C16orf74: variants seen among roughly 807,000 people sequenced by gnomAD.
C16orf74 encodes the protein calcimembrin.
In C16orf74, 10 loss-of-function variants were observed where a neutral mutation model predicts 6.5. The ratio of observed to expected loss-of-function variants is 1.54; its 90% CI spans 0.95 to 2.61. The LOEUF (loss-of-function observed/expected upper bound fraction) is 2.61, where lower values mean the gene tolerates loss of function less well. Ranked by LOEUF, C16orf74 falls within the 30% of genes most tolerant of loss-of-function variation. C16orf74 has a pLI of 0.00. For synonymous variants in C16orf74, 60 were observed against 42.5 expected, an observed-to-expected ratio of 1.41 and a Z score of -1.60; for missense variants, 141 against 105.9, an observed-to-expected ratio of 1.33 and a Z score of -1.45.
At chr16:85,724,396 G>C (rs558076844) in intron 2 of C16orf74, among the ~76,000 whole-genome samples, 1 of 152,182 alleles carries the variant, frequency 6.6e-6, no homozygotes, top group Non-Finnish European at 1.5e-5. Flanking sequence ...CTGGACTCTG[G>C]ACTTGCTGGG....
chr16:85,710,182 T>G lies in C16orf74; in HGVS notation c.154A>C (p.Arg52=), dbSNP rs747903346. 2 of 1,469,336 alleles carry G rather than the reference T, an allele frequency of 1.4e-6. No homozygotes were observed. The highest frequency in any genetic ancestry group is 3.0e-5 in the African/African-American group (2 of 67,178). 91.0% of individuals were successfully genotyped at this position (1,469,336 alleles called of 1,614,324 possible). ...GCCTCACCTGTGCTCCCCAAGTCCC[T>G]CGGCAGCATCATGCCCGTGGGGGTG... ...PPTPTGMMLP[R]DLGSTVWLDE... The change falls in exon 3 of 4, where the codon AGG becomes CGG. Residue 52 remains arginine, a synonymous_variant. Transcript: ENST00000284245.
At chr16:85,720,695 G>C (rs1199971220) in intron 2 of C16orf74, among the ~76,000 whole-genome samples, 1 of 150,450 alleles carries the variant, frequency 6.6e-6, no homozygotes, top group East Asian at 1.9e-4. Context: ...AGGATTGCTT[G>C]AGCCCAGGAG....
chr16:85,744,155 G>A (rs2054342490), intron 1 of C16orf74: 1 of 149,798 alleles, frequency 6.7e-6, no homozygotes, highest in Non-Finnish European at 1.5e-5. Flanking sequence ...AACCTGGGAG[G>A]CGGAGGTAGC....
chr16:85,738,710 G>A (rs1418590078), intron 1 of C16orf74, among the ~76,000 whole-genome samples: 1 of 151,944 alleles, frequency 6.6e-6, no homozygotes, highest in Non-Finnish European at 1.5e-5. Flanking sequence ...AGGAGTGAGG[G>A]GTAGCGGAGG....
intron 2 of C16orf74, among the ~76,000 whole-genome samples, chr16:85,726,578 G>A (rs1162100208): frequency 3.3e-5 from 5 of 152,174 alleles, no homozygotes; most frequent in Non-Finnish European, 5.9e-5. Context: ...GGAAAGCTCA[G>A]GGAAGTGGGG....
chr16:85,726,665 T>C (rs16975876), intron 2 of C16orf74, among the ~76,000 whole-genome samples: 14,748 of 152,156 alleles, frequency 0.097, 2,402 homozygotes, highest in African/African-American at 0.34. Context: ...TTCAAATGTA[T>C]GAAATTTCCA....
At chr16:85,740,827 CAA>C (rs57813380) in intron 1 of C16orf74, among the ~76,000 whole-genome samples, 181 of 97,890 alleles carry the variant, frequency 1.8e-3, no homozygotes, top group African/African-American at 7.0e-3. Context: ...GTGAGACCCT[CAA>C]AAAAAAAAAA....
chr16:85,730,995 G>A (rs1012681382), intron 2 of C16orf74, among the ~76,000 whole-genome samples: 2 of 152,116 alleles, frequency 1.3e-5, no homozygotes, highest in Non-Finnish European at 2.9e-5. Context: ...AAAAGTAATC[G>A]TACCCGTTTC....
chr16:85,737,236 C>T (rs1416876646), intron 1 of C16orf74, among the ~76,000 whole-genome samples: 1 of 152,076 alleles, frequency 6.6e-6, no homozygotes, highest in African/African-American at 2.4e-5. Context: ...TATCCAGGGC[C>T]TTGCTGTTCC....
intron 1 of C16orf74, chr16:85,741,513 C>A: frequency 6.0e-6 from 1 of 165,672 alleles, no homozygotes; most frequent in Middle Eastern, 5.9e-4. Flanking sequence ...GGTGCAGCAT[C>A]GAGGGTGGTC....
At chr16:85,739,380 A>G (rs1306371208) in intron 1 of C16orf74, among the ~76,000 whole-genome samples, 1 of 152,190 alleles carries the variant, frequency 6.6e-6, no homozygotes, top group Non-Finnish European at 1.5e-5. Flanking sequence ...GGATTTTGAC[A>G]TGTCTCAACC....
chr16:85,710,148 G>T lies in C16orf74; in HGVS notation c.172+16C>A, dbSNP rs1419857636. Reference sequence around the variant, plus strand: ...CCACAGCCGACCCGGCTTGGCGGTGGAGGGGACGGCCTCACCTGTGCTCCC... The same window carrying T: ...CCACAGCCGACCCGGCTTGGCGGTGTAGGGGACGGCCTCACCTGTGCTCCC... On this transcript the variant is annotated intron_variant, in intron 3 of 3. Transcript: ENST00000284245. 7.1e-7 allele frequency: 1 copy of T among 1,409,876 alleles called. No homozygotes were observed. The allele number at this position is 1,409,876 out of a possible 1,614,324, so 87.3% of individuals were successfully genotyped here. A position where few individuals can be genotyped will look rare whatever the true frequency, so the allele number is the denominator to read the frequency against.
chr16:85,745,381 T>C (rs565861553), intron 1 of C16orf74, among the ~76,000 whole-genome samples: 9 of 152,276 alleles, frequency 5.9e-5, no homozygotes, highest in African/African-American at 2.2e-4. Flanking sequence ...TGTTTGTTTT[T>C]GCAACAGCCT....
At chr16:85,745,582 A>C (rs936464574) in intron 1 of C16orf74, among the ~76,000 whole-genome samples, 3 of 150,080 alleles carry the variant, frequency 2.0e-5, no homozygotes, top group Non-Finnish European at 4.4e-5. Context: ...TCAAAGACAG[A>C]GAATCTCCCG....
intron 2 of C16orf74, among the ~76,000 whole-genome samples, chr16:85,711,567 G>A (rs1432281514): frequency 6.7e-6 from 1 of 149,040 alleles, no homozygotes; most frequent in Non-Finnish European, 1.5e-5. Flanking sequence ...AGGTTGCAGT[G>A]AGCCAAGATT....
intron 1 of C16orf74, among the ~76,000 whole-genome samples, chr16:85,736,217 T>C (rs1465056443): frequency 1.3e-5 from 2 of 152,040 alleles, no homozygotes; most frequent in Non-Finnish European, 2.9e-5. Context: ...AGTTAAGAGC[T>C]TATTCTGAGG....
intron 2 of C16orf74, among the ~76,000 whole-genome samples, chr16:85,711,102 T>G (rs1488491525): frequency 1.3e-5 from 2 of 151,886 alleles, no homozygotes; most frequent in African/African-American, 4.8e-5. Context: ...TCACTTGAGG[T>G]CAGGAGTTCA....
At chr16:85,721,540 G>C (rs931320077) in intron 2 of C16orf74, among the ~76,000 whole-genome samples, 1 of 152,100 alleles carries the variant, frequency 6.6e-6, no homozygotes, top group African/African-American at 2.4e-5. Flanking sequence ...GCAATGCTTG[G>C]GACATGCTTC....
chr16:85,711,160 G>A (rs556386459), intron 2 of C16orf74, among the ~76,000 whole-genome samples: 228 of 150,966 alleles, frequency 1.5e-3, no homozygotes, highest in African/African-American at 4.9e-3. Context: ...ACTAAAATAC[G>A]AAAATTAGCC....
Sources: gnomAD v4.1 joint callset for allele counts (sites outside exome capture counted in the v4.1 genomes callset) on GRCh38, gnomAD v4.1.1 for gene constraint, MANE v1.5 for transcripts, NCBI Gene and HGNC (gene_info 2026-07-23, HGNC 2026-07-21) for gene names.